The following PCDH9 variants were observed in gnomAD, a reference collection of about 807,000 sequenced individuals.
PCDH9 encodes the protein protocadherin-9.
A neutral mutation model predicts 70.6 loss-of-function variants in PCDH9; 24 were observed. That is an observed-to-expected ratio of 0.34 (90% CI 0.25 to 0.48). The LOEUF is 0.48. PCDH9 is among the 20% of genes least tolerant of loss of function. The pLI is 0.99. For missense variants in PCDH9, 1,281 were observed against 1,503.6 expected (o/e 0.85, Z 2.45); for synonymous variants, 562 against 558.5 (o/e 1.01, Z -0.09).
At chr13:66,867,846 T>A (rs1009752161) in intron 3 of PCDH9, among the ~76,000 whole-genome samples, 19 of 152,044 alleles carry the variant, frequency 1.2e-4, no homozygotes, top group Non-Finnish European at 2.4e-4. Flanking sequence ...CCTTCTGTCA[T>A]TGTTTTTCAT....
chr13:66,761,504 T>A (rs2079627336), intron 3 of PCDH9, among the ~76,000 whole-genome samples: 1 of 152,182 alleles, frequency 6.6e-6, no homozygotes, highest in Non-Finnish European at 1.5e-5. Context: ...TCTGATGCTG[T>A]CCCATTAATT....
At chr13:66,738,758 T>A (rs1263829072) in intron 3 of PCDH9, among the ~76,000 whole-genome samples, 1 of 151,030 alleles carries the variant, frequency 6.6e-6, no homozygotes, top group East Asian at 2.0e-4. Flanking sequence ...GAAGACGAAA[T>A]GAATGAAATG....
intron 4 of PCDH9, among the ~76,000 whole-genome samples, chr13:66,350,916 T>A (rs923811132): frequency 2.0e-5 from 3 of 152,322 alleles, no homozygotes; most frequent in South Asian, 2.1e-4. Flanking sequence ...TATTTTGAAA[T>A]CTTTCGTAGG....
At chr13:66,703,833 G>A (rs1465934853) in intron 3 of PCDH9, among the ~76,000 whole-genome samples, 1 of 151,978 alleles carries the variant, frequency 6.6e-6, no homozygotes, top group Non-Finnish European at 1.5e-5. Flanking sequence ...CCTGGGAGGT[G>A]GAAGCTGCAG....
intron 3 of PCDH9, among the ~76,000 whole-genome samples, chr13:66,717,858 T>C (rs140476238): frequency 6.6e-6 from 1 of 152,274 alleles, no homozygotes; most frequent in African/African-American, 2.4e-5. Flanking sequence ...TTTATAAATA[T>C]GTATCTATTT....
At chr13:66,962,284 T>C (rs7327516) in intron 2 of PCDH9, among the ~76,000 whole-genome samples, 18,270 of 152,218 alleles carry the variant, frequency 0.12, 1,363 homozygotes, top group East Asian at 0.35. Flanking sequence ...CACAGTAAGG[T>C]AGATAGGGAT....
chr13:67,004,552 C>CA (rs34776193), intron 2 of PCDH9, among the ~76,000 whole-genome samples: 39,478 of 123,710 alleles, frequency 0.32, 6,601 homozygotes, highest in Non-Finnish European at 0.37. Flanking sequence ...GACTCCGTCT[C>CA]AAAAAAAAAA....
chr13:66,575,327 C>T (rs548342872), intron 4 of PCDH9, among the ~76,000 whole-genome samples: 2 of 152,198 alleles, frequency 1.3e-5, no homozygotes, highest in South Asian at 2.1e-4. Context: ...TCTGAGAGTT[C>T]CTACTTCAGT....
chr13:67,203,807 A>C (rs969070055), intron 2 of PCDH9: 4 of 152,134 alleles, frequency 2.6e-5, no homozygotes, highest in Admixed American at 6.6e-5. Context: ...AATTTTATTA[A>C]AGCACCTTTA....
intron 4 of PCDH9, among the ~76,000 whole-genome samples, chr13:66,417,832 C>T (rs187933082): frequency 4.2e-4 from 64 of 152,206 alleles, no homozygotes; most frequent in Non-Finnish European, 4.4e-4. Flanking sequence ...TCATATCCTT[C>T]GCCTACTTTT....
intron 2 of PCDH9, chr13:67,221,559 G>T (rs890905897): frequency 2.0e-5 from 3 of 152,108 alleles, no homozygotes; most frequent in Non-Finnish European, 4.4e-5. Flanking sequence ...ATTTCCTTTA[G>T]AAAATTAAAT....
At chr13:67,206,065 TC>T (rs2089334544) in intron 2 of PCDH9, 1 of 152,166 alleles carries the variant, frequency 6.6e-6, no homozygotes, top group African/African-American at 2.4e-5. Flanking sequence ...GCTCTCAAAC[TC>T]CTGAACTCAA....
intron 4 of PCDH9, among the ~76,000 whole-genome samples, chr13:66,542,515 T>C (rs1961005163): frequency 6.6e-6 from 1 of 151,940 alleles, no homozygotes. Context: ...ACTTCCAAGC[T>C]ACAACAGCAA....
chr13:66,474,428 T>C (rs1958680842), intron 4 of PCDH9, among the ~76,000 whole-genome samples: 1 of 152,128 alleles, frequency 6.6e-6, no homozygotes, highest in Non-Finnish European at 1.5e-5. Flanking sequence ...GATGGAGCTA[T>C]GACTAACACA....
Position 66,904,801 on chromosome 13 carries a change from A to T in PCDH9, c.3037-1196T>A, listed in dbSNP as rs140036037. On this transcript the variant is annotated intron_variant, in intron 2 of 4. Coordinates refer to ENST00000377865, the MANE Select transcript of PCDH9 (RefSeq NM_203487.3). Reference sequence around the variant, plus strand: ...TATATATTTAAATATATGTTAAAGCACTGTCATTACATTTTGAAGATATAA... The same window carrying T: ...TATATATTTAAATATATGTTAAAGCTCTGTCATTACATTTTGAAGATATAA... Among the ~76,000 whole-genome samples, 136 of 152,052 alleles carry T rather than the reference A, an allele frequency of 8.9e-4. 1 individual carries two copies. In the East Asian group the frequency reaches 0.025, roughly 28 times the overall value.
In PCDH9 at chr13:66,547,247, C is replaced by G. The variant is rs540176128; in HGVS notation, c.3340+83963G>C. The stretch of plus-strand genomic sequence containing the variant: ...AAAGCTTACATACTTTGTATGACAC[C>G]TTGAAGAGCCAAGAGTGCCTTAGGC... On this transcript the variant is annotated intron_variant, in intron 4 of 4. Coordinates refer to ENST00000377865, the MANE Select transcript of PCDH9 (RefSeq NM_203487.3). 4.3e-4 allele frequency among the ~76,000 whole-genome samples: 65 copies of G among 152,236 alleles called. No individual in the cohort carries two copies. The South Asian group carries it at 7.9e-3, about 19-fold the overall frequency.
intron 2 of PCDH9, among the ~76,000 whole-genome samples, chr13:66,955,398 T>C (rs1335305459): frequency 6.6e-6 from 1 of 152,124 alleles, no homozygotes; most frequent in Non-Finnish European, 1.5e-5. Context: ...AAATGATCCT[T>C]TGGAGCCAGG....
intron 3 of PCDH9, among the ~76,000 whole-genome samples, chr13:66,769,200 A>G (rs990903762): frequency 6.6e-6 from 1 of 152,110 alleles, no homozygotes; most frequent in Admixed American, 6.6e-5. Flanking sequence ...CAGTAAAGGA[A>G]ATAATAAAGT....
chr13:66,867,825 C>T (rs1230869783), intron 3 of PCDH9, among the ~76,000 whole-genome samples: 1 of 151,478 alleles, frequency 6.6e-6, no homozygotes, highest in Non-Finnish European at 1.5e-5. Context: ...GAAAAAAATC[C>T]TTTTTTTTAT....
Sources: gnomAD v4.1 joint callset for allele counts (sites outside exome capture counted in the v4.1 genomes callset) on GRCh38, gnomAD v4.1.1 for gene constraint, MANE v1.5 for transcripts, NCBI Gene and HGNC (gene_info 2026-07-23, HGNC 2026-07-21) for gene names.